The following ENOX1 variants were observed in gnomAD, a reference collection of about 807,000 sequenced individuals.
The protein encoded by ENOX1 is ecto-NOX disulfide-thiol exchanger 1.
In ENOX1, 42 loss-of-function variants were observed where a neutral mutation model predicts 82.5. The observed-to-expected ratio is 0.51, with a 90% CI of 0.40 to 0.66. The LOEUF is 0.66. ENOX1 is among the 30% of genes least tolerant of loss of function. ENOX1 has a pLI of 0.00. For synonymous variants in ENOX1, 271 were observed against 282.2 expected, an observed-to-expected ratio of 0.96 and a Z score of 0.40; for missense variants, 608 against 811.6, an observed-to-expected ratio of 0.75 and a Z score of 3.05.
intron 3 of ENOX1, among the ~76,000 whole-genome samples, chr13:43,455,102 G>C (rs1566264618): frequency 1.3e-5 from 2 of 152,118 alleles, no homozygotes; most frequent in Admixed American, 6.5e-5. Flanking sequence ...TTCTCTAGTA[G>C]CTTCCTGAGA....
chr13:43,296,887 G>C (rs1325928281), intron 12 of ENOX1, among the ~76,000 whole-genome samples: 1 of 152,200 alleles, frequency 6.6e-6, no homozygotes. Flanking sequence ...CTGGCGTCAT[G>C]GTCTTTGGGG....
intron 1 of ENOX1, among the ~76,000 whole-genome samples, chr13:43,755,747 T>C (rs9595009): frequency 0.078 from 11,936 of 152,168 alleles, 705 homozygotes; most frequent in African/African-American, 0.16. Flanking sequence ...CCACAATTGT[T>C]TTCTAAGTTC....
intron 5 of ENOX1, among the ~76,000 whole-genome samples, chr13:43,385,447 A>C (rs937159993): frequency 1.3e-5 from 2 of 152,176 alleles, no homozygotes; most frequent in Admixed American, 6.5e-5. Context: ...ATAAGTAAAA[A>C]ACAAAAGGGA....
intron 2 of ENOX1, among the ~76,000 whole-genome samples, chr13:43,614,804 G>A (rs560308838): frequency 3.3e-5 from 5 of 152,166 alleles, no homozygotes. Context: ...AGAATGATGC[G>A]GGATGTGGAC....
At position 43,351,937 on chromosome 13, in the gene ENOX1, G is replaced by C. The variant is rs377270865; in HGVS notation, c.823+3982C>G. Among the ~76,000 whole-genome samples, 477 of 152,214 alleles carry C rather than the reference G, an allele frequency of 3.1e-3. 2 individuals are homozygous for C. Among genetic ancestry groups the C allele is most frequent in the Middle Eastern group, 0.014 (4 of 294 alleles). ...CTCTATGAAGGTCAATAACACATAAGGAAATAATTTGCAAACAGGCTCCTA... is the reference window on the plus strand; with the variant it reads ...CTCTATGAAGGTCAATAACACATAACGAAATAATTTGCAAACAGGCTCCTA... On this transcript the variant is annotated intron_variant, in intron 8 of 16. Coordinates refer to ENST00000690772, the MANE Select transcript of ENOX1 (RefSeq NM_001347969.2).
intron 2 of ENOX1, among the ~76,000 whole-genome samples, chr13:43,556,229 C>T (rs983462592): frequency 6.1e-5 from 1 of 16,468 alleles, no homozygotes; most frequent in African/African-American, 1.4e-4. Flanking sequence ...GGCTAACTTG[C>T]CCAGTTTTTT....
chr13:43,622,987 A>G (rs1418249231), intron 2 of ENOX1, among the ~76,000 whole-genome samples: 1 of 152,024 alleles, frequency 6.6e-6, no homozygotes, highest in African/African-American at 2.4e-5. Flanking sequence ...TTGTCTACCT[A>G]GAAGGATTAT....
At position 43,622,391 on chromosome 13, in the gene ENOX1, G is replaced by A. The variant is rs189840891; in HGVS notation, c.-219+45088C>T. Among the ~76,000 whole-genome samples, 21 of 152,326 alleles carry A rather than the reference G, an allele frequency of 1.4e-4. No homozygotes were observed. The East Asian group carries it at 4.1e-3, about 29-fold the overall frequency. On this transcript the variant is annotated intron_variant, in intron 2 of 16. Transcript: ENST00000690772. Reference sequence around the variant, plus strand: ...TTGGGTAGGCTCTGTCAGAGGGAAGGTCTAGGGCTGAAGGCCATTGTTCAG... The same window carrying A: ...TTGGGTAGGCTCTGTCAGAGGGAAGATCTAGGGCTGAAGGCCATTGTTCAG...
At chr13:43,347,049 T>C (rs982379140) in intron 8 of ENOX1, among the ~76,000 whole-genome samples, 3 of 152,212 alleles carry the variant, frequency 2.0e-5, no homozygotes, top group African/African-American at 2.4e-5. Flanking sequence ...CTTTCTGTCA[T>C]ATACAGGTAG....
intron 2 of ENOX1, among the ~76,000 whole-genome samples, chr13:43,646,886 G>C (rs544947443): frequency 1.1e-4 from 16 of 152,182 alleles, no homozygotes; most frequent in Non-Finnish European, 1.9e-4. Flanking sequence ...TCCCACACTA[G>C]AGATGCAGAC....
chr13:43,612,344 C>T (rs1481130834), intron 2 of ENOX1, among the ~76,000 whole-genome samples: 2 of 152,168 alleles, frequency 1.3e-5, no homozygotes, highest in Non-Finnish European at 2.9e-5. Context: ...GGATTACCCT[C>T]ATATTTTCTC....
chr13:43,460,246 T>C (rs150101335), intron 3 of ENOX1, among the ~76,000 whole-genome samples: 7 of 152,352 alleles, frequency 4.6e-5, no homozygotes, highest in African/African-American at 1.7e-4. Flanking sequence ...GCAGAAATTC[T>C]GTGAGAACCT....
chr13:43,729,975 C>A (rs1184576073), intron 1 of ENOX1, among the ~76,000 whole-genome samples: 1 of 152,212 alleles, frequency 6.6e-6, no homozygotes, highest in Non-Finnish European at 1.5e-5. Flanking sequence ...GGGAGAACTT[C>A]CCATTCATTT....
At chr13:43,772,105 T>C (rs1213066796) in intron 1 of ENOX1, among the ~76,000 whole-genome samples, 1 of 152,092 alleles carries the variant, frequency 6.6e-6, no homozygotes, top group Non-Finnish European at 1.5e-5. Flanking sequence ...TCTTATAAAG[T>C]AACTGCAAAG....
intron 2 of ENOX1, among the ~76,000 whole-genome samples, chr13:43,528,915 G>C (rs1202038497): frequency 6.6e-6 from 1 of 151,996 alleles, no homozygotes; most frequent in African/African-American, 2.4e-5. Flanking sequence ...CTTCGATTTA[G>C]AGAAATTATC....
At chr13:43,506,161 A>G (rs2153671320) in intron 2 of ENOX1, among the ~76,000 whole-genome samples, 1 of 152,078 alleles carries the variant, frequency 6.6e-6, no homozygotes, top group South Asian at 2.1e-4. Context: ...GTAGTCTTGT[A>G]GTATAGTTTG....
chr13:43,738,321 GTAATT>G (rs914988110), intron 1 of ENOX1, among the ~76,000 whole-genome samples: 1 of 152,090 alleles, frequency 6.6e-6, no homozygotes. Context: ...AAACAATGCA[GTAATT>G]TAAAGTTCTC....
At chr13:43,470,375 T>TGTATATATATGTATATATATAC (rs2058000627) in intron 3 of ENOX1, among the ~76,000 whole-genome samples, 3 of 85,672 alleles carry the variant, frequency 3.5e-5, no homozygotes, top group African/African-American at 1.3e-4. Flanking sequence ...CGTATATATA[T>TGTATATATATGTATATATATAC]ACATATATAT....
chr13:43,357,847 G>GGGCTTT (rs1250444044), intron 7 of ENOX1, among the ~76,000 whole-genome samples: 2 of 152,198 alleles, frequency 1.3e-5, no homozygotes, highest in East Asian at 3.9e-4. Context: ...GCTTGGGCTT[G>GGGCTTT]GGCTTGCTGG....
Sources: gnomAD v4.1 joint callset for allele counts (sites outside exome capture counted in the v4.1 genomes callset) on GRCh38, gnomAD v4.1.1 for gene constraint, MANE v1.5 for transcripts, NCBI Gene and HGNC (gene_info 2026-07-23, HGNC 2026-07-21) for gene names.